Variants in ALMS1 observed in about 807,000 individuals in gnomAD.
ALMS1 encodes the protein centrosome-associated protein ALMS1.
ALMS1 carries 271 observed loss-of-function variants against 352.2 expected under a neutral mutation model. The ratio of observed to expected loss-of-function variants is 0.77; its 90% confidence interval spans 0.70 to 0.85. The LOEUF is 0.85. Ranked by LOEUF, ALMS1 falls within the 40% of genes least tolerant of loss-of-function variation. The pLI, the probability that ALMS1 is intolerant of heterozygous loss-of-function variation, is 0.00. For synonymous variants in ALMS1, 1,865 were observed against 1,761.2 expected, an observed-to-expected ratio of 1.06 and a Z score of -1.48; for missense variants, 5,445 against 4,870.7, an observed-to-expected ratio of 1.12 and a Z score of -3.51.
chr2:73,602,218 T>C lies in ALMS1; in HGVS notation c.12148T>C (p.Ser4050Pro). ...SLQFHRPDFI[S>P]RSGERIKRLK... ...TCAGTTTCACAGACCTGACTTCATC[T>C]CCCGCTCTGGGGAGCGGATAAAGCG... The change falls in exon 20 of 23, where the codon TCC becomes CCC. Residue 4050 changes from serine (S) to proline (P), a missense_variant. Coordinates refer to ENST00000613296, the MANE Select transcript of ALMS1 (RefSeq NM_001378454.1). 1 of 1,614,112 alleles carries C rather than the reference T, an allele frequency of 6.2e-7. No homozygotes were observed.
At position 73,534,864 on chromosome 2, in the gene ALMS1, C is replaced by G. The variant is rs201446579; in HGVS notation, c.9822C>G (p.Thr3274=). 2.9e-3 allele frequency: 4,699 copies of G among 1,613,564 alleles called. 9 individuals carry two copies. The highest frequency in any genetic ancestry group is 3.3e-3 in the Non-Finnish European group (3,850 of 1,179,626). Reference sequence around the variant, plus strand: ...TGCCATATAAGCCTTCTGGTAGTACCAAGATGTATTATGTTCCACAATTAA... The same window carrying G: ...TGCCATATAAGCCTTCTGGTAGTACGAAGATGTATTATGTTCCACAATTAA... The part of the protein sequence containing the change: ...LLLPYKPSGS[T]KMYYVPQLRQ... Residue 3274 remains threonine (T), a synonymous_variant, in exon 12 of 23, where the codon ACC becomes ACG. Coordinates refer to ENST00000613296, the MANE Select transcript of ALMS1 (RefSeq NM_001378454.1).
intron 10 of ALMS1, among the ~76,000 whole-genome samples, chr2:73,502,390 A>G (rs765183338): frequency 1.3e-5 from 2 of 152,112 alleles, no homozygotes; most frequent in South Asian, 4.1e-4. Flanking sequence ...TGCAGTTCTC[A>G]TGCCTTTTAT....
rs1675685275 is a variant in ALMS1 at position 73,601,419 on chromosome 2, G to A, written c.12097G>A (p.Val4033Met). The change falls in exon 19 of 23, where the codon GTG (valine) becomes ATG (methionine). Residue 4033 changes from valine (V) to methionine (M), a missense_variant. Physicochemically the swap from Val to Met is conservative, Grantham distance 21. Coordinates refer to ENST00000613296, the MANE Select transcript of ALMS1 (RefSeq NM_001378454.1). Reference sequence around the variant, plus strand: ...TGGCAGAGACCTACTGAGGCCATTTGTGAGAGCAACCCTTCAGGTGCAGTG... The same window carrying A: ...TGGCAGAGACCTACTGAGGCCATTTATGAGAGCAACCCTTCAGGTGCAGTG... ...EAGRDLLRPFVRATLQESLQF... is the reference protein window; with the variant it reads ...EAGRDLLRPFMRATLQESLQF... The A allele has an allele frequency of 6.2e-7, 1 of 1,614,008 alleles. No homozygotes were observed. The highest frequency in any genetic ancestry group is 8.5e-7 in the Non-Finnish European group (1 of 1,179,988).
Position 73,490,941 on chromosome 2 carries a change from A to G in ALMS1, c.8982A>G (p.Val2994=). 1 of 1,614,218 alleles carries G rather than the reference A, an allele frequency of 6.2e-7. No individual in the cohort carries two copies. Among genetic ancestry groups the G allele is most frequent in the South Asian group, 1.1e-5 (1 of 91,090 alleles). The change falls in exon 10 of 23, where the codon GTA becomes GTG. Residue 2994 remains valine, a synonymous_variant. Transcript: ENST00000613296. Reference sequence around the variant, plus strand: ...CCCTTCCTCAAGGTCAGGATTGTGTAGTGGAAAAGAATAATCAACATAAGC... The same window carrying G: ...CCCTTCCTCAAGGTCAGGATTGTGTGGTGGAAAAGAATAATCAACATAAGC... ...HFPLPQGQDC[V]VEKNNQHKPK... is the part of the protein sequence containing the mutation.
chr2:73,554,472 A>C (rs181050175), intron 13 of ALMS1, among the ~76,000 whole-genome samples: 1 of 151,904 alleles, frequency 6.6e-6, no homozygotes, highest in Admixed American at 6.6e-5. Context: ...TTGGGGGGCC[A>C]AGGCGGGTGG....
intron 7 of ALMS1, among the ~76,000 whole-genome samples, chr2:73,439,110 C>T (rs1438426599): frequency 7.1e-6 from 1 of 140,028 alleles, no homozygotes; most frequent in African/African-American, 3.0e-5. Context: ...TTCTCCTCCT[C>T]CTCCTCTTTT....
Position 73,603,312 on chromosome 2 carries a change from C to T in ALMS1, c.12362+8C>T. ...GATTCAGAGGTCCAAACGGTAAGAC[C>T]AAGAAAACAAGAGTACGTATACAAG... On this transcript the variant is annotated splice_region_variant and intron_variant, in intron 21 of 22. Transcript: ENST00000613296. 6.2e-7 allele frequency: 1 copy of T among 1,613,318 alleles called. No individual in the cohort carries two copies.
chr2:73,438,249 G>C (rs1671645150), intron 7 of ALMS1, among the ~76,000 whole-genome samples: 1 of 152,138 alleles, frequency 6.6e-6, no homozygotes, highest in African/African-American at 2.4e-5. Context: ...CTTGATATTA[G>C]TTGCCCTGAT....
chr2:73,585,734 T>TTTTTTTG (rs1675297257), intron 16 of ALMS1, among the ~76,000 whole-genome samples: 1 of 146,874 alleles, frequency 6.8e-6, no homozygotes, highest in Admixed American at 6.7e-5. Flanking sequence ...GCCTTTTTTT[T>TTTTTTTG]TTTTTTTCCC....
intron 9 of ALMS1, among the ~76,000 whole-genome samples, chr2:73,480,354 C>T (rs1390076102): frequency 3.9e-5 from 6 of 152,066 alleles, no homozygotes; most frequent in Non-Finnish European, 8.8e-5. Context: ...CGATAGTTTA[C>T]TGAGAATGAT....
intron 10 of ALMS1, among the ~76,000 whole-genome samples, chr2:73,505,372 C>T (rs552767652): frequency 2.2e-4 from 34 of 152,350 alleles, no homozygotes; most frequent in African/African-American, 7.2e-4. Flanking sequence ...TCCACATCCT[C>T]TCCAGCATCT....
At chr2:73,537,876 T>G (rs879859389) in intron 12 of ALMS1, among the ~76,000 whole-genome samples, 10 of 152,042 alleles carry the variant, frequency 6.6e-5, no homozygotes, top group African/African-American at 1.2e-4. Flanking sequence ...CATGATGGCC[T>G]ACGCTTGTAG....
chr2:73,503,248 C>G (rs576512064), intron 10 of ALMS1, among the ~76,000 whole-genome samples: 157 of 152,152 alleles, frequency 1.0e-3, no homozygotes, highest in African/African-American at 3.5e-3. Context: ...TCCCTCCCCC[C>G]TTCCCCGACC....
upstream of ALMS1, chr2:73,385,830 C>G (rs780250336): frequency 8.1e-5 from 36 of 446,506 alleles, no homozygotes; most frequent in South Asian, 2.9e-4. Context: ...CCCTCCCCCC[C>G]TCCTCCTCCT....
intron 1 of ALMS1, among the ~76,000 whole-genome samples, chr2:73,403,886 C>T (rs1243928293): frequency 9.2e-5 from 14 of 151,948 alleles, no homozygotes; most frequent in South Asian, 2.1e-4. Context: ...TTGTATCCTG[C>T]GGCTTTACTG....
intron 12 of ALMS1, among the ~76,000 whole-genome samples, chr2:73,535,958 A>G (rs1379858930): frequency 6.6e-6 from 1 of 152,190 alleles, no homozygotes; most frequent in Non-Finnish European, 1.5e-5. Flanking sequence ...GAACCAAACT[A>G]GCTTCTGATA....
At chr2:73,467,803 C>T (rs1672387422) in intron 9 of ALMS1, among the ~76,000 whole-genome samples, 1 of 152,052 alleles carries the variant, frequency 6.6e-6, no homozygotes, top group Non-Finnish European at 1.5e-5. Flanking sequence ...AAAGCTGTCA[C>T]ACACGTTATG....
At chr2:73,609,250 G>T (rs1675889263) in intron 22 of ALMS1, among the ~76,000 whole-genome samples, 2 of 152,218 alleles carry the variant, frequency 1.3e-5, no homozygotes, top group Admixed American at 1.3e-4. Context: ...CTCAGGTGGA[G>T]GCCCCAGGCA....
chr2:73,588,266 C>T (rs1352624775), intron 16 of ALMS1, among the ~76,000 whole-genome samples: 1 of 152,168 alleles, frequency 6.6e-6, no homozygotes, highest in Non-Finnish European at 1.5e-5. Context: ...GCTGTCTCCC[C>T]TGCAGTCTCT....
Sources: allele counts gnomAD v4.1 joint callset (sites outside exome capture counted in the v4.1 genomes callset), GRCh38; gene constraint gnomAD v4.1.1; transcripts MANE v1.5; gene names NCBI Gene and HGNC (gene_info 2026-07-23, HGNC 2026-07-21).